ACAN: variants seen among roughly 807,000 people sequenced by gnomAD.
ACAN encodes the protein aggrecan.
In ACAN, 47 loss-of-function variants were observed where a neutral mutation model predicts 169.1. That is an observed-to-expected ratio of 0.28 (90% CI 0.22 to 0.35). The LOEUF (loss-of-function observed/expected upper bound fraction) is 0.35. Ranked by LOEUF, ACAN falls within the 10% of genes least tolerant of loss-of-function variation. ACAN has a pLI of 1.00. For missense variants in ACAN, 2,716 were observed against 2,759.9 expected (o/e 0.98, Z 0.36); for synonymous variants, 1,115 against 1,112.2 (o/e 1.00, Z -0.05).
At position 88,860,379 on chromosome 15, in the gene ACAN, A is replaced by G; in HGVS notation, c.6886A>G (p.Thr2296Ala). 6.2e-7 allele frequency: 1 copy of G among 1,613,588 alleles called. No individual in the cohort carries two copies. Among genetic ancestry groups the G allele is most frequent in the Non-Finnish European group, 8.5e-7 (1 of 1,179,802 alleles). ...CTGTGGAGCTGGGACCTGCAAGGAG[A>G]CAGAGGGACACGTCATATGCCTGTG... ...EPCGAGTCKETEGHVICLCPP... is the reference protein window; with the variant it reads ...EPCGAGTCKEAEGHVICLCPP... The change falls in exon 13 of 19, where the codon ACA (threonine) becomes GCA (alanine). Residue 2296 changes from threonine (T) to alanine (A), a missense_variant. Thr to Ala is a moderately conservative substitution (Grantham distance 58). Around this residue, in one of 3 missense-constraint regions of ACAN, gnomAD observed 1,389 missense variants for 1,363.7 expected, o/e 1.02. Coordinates refer to ENST00000560601, the MANE Select transcript of ACAN (RefSeq NM_001369268.1).
intron 13 of ACAN, among the ~76,000 whole-genome samples, chr15:88,864,237 G>T (rs1486464643): frequency 1.3e-5 from 2 of 151,558 alleles, no homozygotes; most frequent in Non-Finnish European, 2.9e-5. Context: ...CAAAAGATTT[G>T]AAATAGTACA....
chr15:88,873,202 C>A lies in ACAN; in HGVS notation c.7447+177C>A, dbSNP rs975430159. Among the ~76,000 whole-genome samples, 4 of 152,162 alleles carry A rather than the reference C, an allele frequency of 2.6e-5. No homozygotes were observed. The highest frequency in any genetic ancestry group is 7.2e-5 in the African/African-American group (3 of 41,438). ...GGGGTCCCTCCTAGCACCGGCATCCCAGGGCCAATGGCAAGGGCAAGCTCG... is the reference window on the plus strand; with the variant it reads ...GGGGTCCCTCCTAGCACCGGCATCCAAGGGCCAATGGCAAGGGCAAGCTCG... On this transcript the variant is annotated intron_variant, in intron 17 of 18. Coordinates refer to ENST00000560601, the MANE Select transcript of ACAN (RefSeq NM_001369268.1). The surrounding 1 kb of genome is among the most constrained non-coding windows in gnomAD (Gnocchi z 7.5).
Position 88,835,824 on chromosome 15 carries a change from A to G in ACAN, c.-7-376A>G, listed in dbSNP as rs371850658. ...ATTCAATCTACCAATTCCAATGTCA[A>G]TCTCATCCAGAAACACCCTCACAGA... On this transcript the variant is annotated intron_variant, in intron 1 of 18. Transcript: ENST00000560601. 3.9e-5 allele frequency among the ~76,000 whole-genome samples: 6 copies of G among 152,140 alleles called. No individual in the cohort carries two copies. In the East Asian group the frequency reaches 7.7e-4, roughly 20 times the overall value.
At chr15:88,820,311 G>T (rs1044402080) in intron 1 of ACAN, among the ~76,000 whole-genome samples, 1 of 152,106 alleles carries the variant, frequency 6.6e-6, no homozygotes, top group Non-Finnish European at 1.5e-5. Flanking sequence ...CGGCAAACTG[G>T]ATCATAATAG....
chr15:88,811,211 C>G (rs1269499743), intron 1 of ACAN, among the ~76,000 whole-genome samples: 3 of 152,214 alleles, frequency 2.0e-5, no homozygotes, highest in Non-Finnish European at 4.4e-5. Context: ...GGGTCTCTTC[C>G]CTGCAGGGCT....
Position 88,871,640 on chromosome 15 carries a change from C to G in ACAN, c.7219+100C>G. 7.0e-7 allele frequency: 1 copy of G among 1,422,604 alleles called. No individual in the cohort carries two copies. The highest frequency in any genetic ancestry group is 1.4e-5 in the South Asian group (1 of 72,962). The allele number at this position is 1,422,604 out of a possible 1,614,324, so 88.1% of individuals were successfully genotyped here. On this transcript the variant is annotated intron_variant, in intron 15 of 18. Transcript: ENST00000560601. The surrounding 1 kb of genome is among the most constrained non-coding windows in gnomAD (Gnocchi z 7.8). ...AGCAGATTTGGGCCTCGTGAGACTG[C>G]AGGACAGGGACCTGGGGGAGGGGGA...
At chr15:88,864,426 C>G (rs543059030) in intron 13 of ACAN, among the ~76,000 whole-genome samples, 3 of 152,194 alleles carry the variant, frequency 2.0e-5, no homozygotes, top group East Asian at 3.9e-4. Flanking sequence ...CATCACCACG[C>G]CTGCCTAATT....
Position 88,843,304 on chromosome 15 carries a change from G to A in ACAN, c.758-51G>A. ...GTGTGGATCTCTCTGGGGATGCAGA[G>A]CAGGGGGAGGGGGGAGAAGACCCTT... On this transcript the variant is annotated intron_variant, in intron 5 of 18. Coordinates refer to ENST00000560601, the MANE Select transcript of ACAN (RefSeq NM_001369268.1). This position sits in a 1 kb window ranked among gnomAD's most constrained non-coding sequence, Gnocchi z 4.0. The A allele has an allele frequency of 7.5e-7, 1 of 1,332,376 alleles. No homozygotes were observed. Among genetic ancestry groups the A allele is most frequent in the Non-Finnish European group, 9.6e-7 (1 of 1,040,712 alleles). The allele number at this position is 1,332,376 out of a possible 1,614,324, so 82.5% of individuals were successfully genotyped here. A position where few individuals can be genotyped will look rare whatever the true frequency, so the allele number is the denominator to read the frequency against.
intron 1 of ACAN, among the ~76,000 whole-genome samples, chr15:88,817,244 C>T (rs1257105979): frequency 6.6e-6 from 1 of 152,122 alleles, no homozygotes; most frequent in African/African-American, 2.4e-5. Context: ...CGGGTTCAAG[C>T]AATTCTTCTG....
chr15:88,866,656 G>C lies in ACAN; in HGVS notation c.6947-1560G>C, dbSNP rs1283216731. On this transcript the variant is annotated intron_variant, in intron 13 of 18. Coordinates refer to ENST00000560601, the MANE Select transcript of ACAN (RefSeq NM_001369268.1). This position sits in a 1 kb window ranked among gnomAD's most constrained non-coding sequence, Gnocchi z 5.6. ...GATTAGGGCCTTCGTGGATGAGCAA[G>C]ATGCCTGAGAGCTGGGGATTTTCAG... is the stretch of plus-strand genomic sequence containing the variant. Among the ~76,000 whole-genome samples the C allele has an allele frequency of 6.6e-6, 1 of 152,118 alleles. No individual in the cohort carries two copies. The highest frequency in any genetic ancestry group is 1.5e-5 in the Non-Finnish European group (1 of 68,022).
intron 1 of ACAN, among the ~76,000 whole-genome samples, chr15:88,827,253 T>C (rs1596122425): frequency 6.6e-6 from 1 of 152,116 alleles, no homozygotes; most frequent in East Asian, 1.9e-4. Flanking sequence ...CAGATTAGGC[T>C]CTTCCTTTAC....
intron 1 of ACAN, among the ~76,000 whole-genome samples, chr15:88,833,980 C>T (rs756276774): frequency 2.3e-4 from 35 of 152,142 alleles, no homozygotes; most frequent in Non-Finnish European, 4.3e-4. Flanking sequence ...AGAGAGGAGC[C>T]GGAAAGTCTA....
At chr15:88,864,702 C>G (rs760577574) in intron 13 of ACAN, among the ~76,000 whole-genome samples, 6 of 152,102 alleles carry the variant, frequency 3.9e-5, no homozygotes, top group Non-Finnish European at 5.9e-5. Context: ...TTCATTGATC[C>G]CAGGTCTTTG....
At position 88,845,669 on chromosome 15, in the gene ACAN, G is replaced by C. The variant is rs774443075; in HGVS notation, c.1216G>C (p.Glu406Gln). The C allele has an allele frequency of 1.2e-6, 2 of 1,613,916 alleles. No individual in the cohort carries two copies. Residue 406 changes from glutamate to glutamine, a missense_variant, in exon 7 of 19, where the codon GAG (glutamate) becomes CAG (glutamine). Glu to Gln is a conservative substitution (Grantham distance 29). Around this residue, in one of 3 missense-constraint regions of ACAN, gnomAD observed 1,283 missense variants for 1,281.5 expected, o/e 1.00. Coordinates refer to ENST00000560601, the MANE Select transcript of ACAN (RefSeq NM_001369268.1). ...GATCCTTACCGTAAAGCCCATCTTCGAGGTCTCCCCCAGTCCCCTGGAACC... is the reference window on the plus strand; with the variant it reads ...GATCCTTACCGTAAAGCCCATCTTCCAGGTCTCCCCCAGTCCCCTGGAACC... ...SVILTVKPIF[E>Q]VSPSPLEPEE... is the part of the protein sequence containing the mutation.
chr15:88,835,028 G>A (rs1022125107), intron 1 of ACAN, among the ~76,000 whole-genome samples: 2 of 152,190 alleles, frequency 1.3e-5, no homozygotes, highest in Non-Finnish European at 2.9e-5. Context: ...AGCAGATGAC[G>A]ATAAGGAAGG....
chr15:88,854,421 A>G (rs1366352170), intron 11 of ACAN, among the ~76,000 whole-genome samples: 1 of 152,170 alleles, frequency 6.6e-6, no homozygotes, highest in African/African-American at 2.4e-5. Context: ...TTTGAAAACC[A>G]TGGGACCAAA....
intron 1 of ACAN, among the ~76,000 whole-genome samples, chr15:88,828,244 A>C (rs370407895): frequency 6.6e-6 from 1 of 152,144 alleles, no homozygotes; most frequent in Admixed American, 6.5e-5. Context: ...GAGCAAAAGA[A>C]GGGAGTGAAA....
rs116375454 is a variant in ACAN at position 88,867,167 on chromosome 15, G to A, written c.6947-1049G>A. Among the ~76,000 whole-genome samples, 624 of 152,340 alleles carry A rather than the reference G, an allele frequency of 4.1e-3. 6 individuals carry two copies. The highest frequency in any genetic ancestry group is 0.015 in the African/African-American group (604 of 41,568). On this transcript the variant is annotated intron_variant, in intron 13 of 18. Transcript: ENST00000560601. Reference sequence around the variant, plus strand: ...CCCAGGTCTTCTGGTTTCTCAGCAAGATGCAGAAAGACCAGATGAGGAGAT... The same window carrying A: ...CCCAGGTCTTCTGGTTTCTCAGCAAAATGCAGAAAGACCAGATGAGGAGAT...
intron 1 of ACAN, among the ~76,000 whole-genome samples, chr15:88,824,739 C>T (rs969473023): frequency 1.3e-5 from 2 of 152,016 alleles, no homozygotes; most frequent in African/African-American, 4.8e-5. Flanking sequence ...ATTAGCCAGA[C>T]ATGGTGGCAC....
Sources: allele counts gnomAD v4.1 joint callset (sites outside exome capture counted in the v4.1 genomes callset), GRCh38; gene constraint gnomAD v4.1.1; regional missense constraint gnomAD v4.1.1; non-coding constraint Gnocchi (gnomAD v3.1); transcripts MANE v1.5; gene names NCBI Gene and HGNC (gene_info 2026-07-23, HGNC 2026-07-21).